EIF3H: variants seen among roughly 807,000 people sequenced by gnomAD.
EIF3H encodes the protein eIF-3-gamma.
A neutral mutation model predicts 44.2 loss-of-function variants in EIF3H; 26 were observed. The observed-to-expected ratio is 0.59, with a 90% confidence interval of 0.43 to 0.82. The LOEUF is 0.82. EIF3H is among the 40% of genes least tolerant of loss of function. The pLI is 0.00. For missense variants in EIF3H, 359 were observed against 432.8 expected (o/e 0.83, Z 1.51); for synonymous variants, 166 against 151.9 (o/e 1.09, Z -0.68).
intron 2 of EIF3H, among the ~76,000 whole-genome samples, chr8:116,719,304 G>A (rs16888689): frequency 0.064 from 9,779 of 152,204 alleles, 407 homozygotes; most frequent in African/African-American, 0.11. Context: ...AGTTAGAATG[G>A]AAACTGTGGC....
At chr8:116,718,242 G>C (rs1180588374) in intron 2 of EIF3H, among the ~76,000 whole-genome samples, 1 of 152,050 alleles carries the variant, frequency 6.6e-6, no homozygotes, top group Non-Finnish European at 1.5e-5. Flanking sequence ...GGCCTGGATG[G>C]GGTGAAAAGA....
rs377393012 is a variant in EIF3H, at chr8:116,732,276, T to C, written c.133-6104A>G. On this transcript the variant is annotated intron_variant, in intron 1 of 7. Coordinates refer to ENST00000521861, the MANE Select transcript of EIF3H (RefSeq NM_003756.3). ...CCAAAAATCTAAAAGCAAGAACGGA[T>C]TTAACTTCTATGACAAGTATTCTCT... 2.8e-4 allele frequency among the ~76,000 whole-genome samples: 43 copies of C among 152,064 alleles called. 1 individual carries two copies. Among genetic ancestry groups the C allele is most frequent in the East Asian group, 2.5e-3 (13 of 5,186 alleles).
intron 5 of EIF3H, among the ~76,000 whole-genome samples, chr8:116,654,345 T>C (rs1273186951): frequency 1.3e-5 from 2 of 152,200 alleles, no homozygotes; most frequent in Non-Finnish European, 2.9e-5. Context: ...AAATGGACAT[T>C]ATAGACCAGC....
At chr8:116,758,904 C>T (rs1815486896), upstream of EIF3H, among the ~76,000 whole-genome samples, 1 of 152,124 alleles carries the variant, frequency 6.6e-6, no homozygotes. Context: ...TAGCTAACTG[C>T]CTACATTAGA....
intron 2 of EIF3H, among the ~76,000 whole-genome samples, chr8:116,724,778 C>G (rs779716888): frequency 6.6e-6 from 1 of 152,006 alleles, no homozygotes; most frequent in African/African-American, 2.4e-5. Context: ...ATCAAACACA[C>G]AGAAAATAAC....
chr8:116,709,972 G>A (rs938336454), intron 2 of EIF3H, among the ~76,000 whole-genome samples: 1 of 152,196 alleles, frequency 6.6e-6, no homozygotes, highest in African/African-American at 2.4e-5. Context: ...CAAAGAGCTA[G>A]TTGGACTGGT....
rs186500241 is a variant in EIF3H, at chr8:116,743,736, C to T, written c.132+11930G>A. On this transcript the variant is annotated intron_variant, in intron 1 of 7. Transcript: ENST00000521861. ...TCGCACCACTGCACTCCAGCCTGGG[C>T]GACAGAGCGATACCCTGTCTCAAAA... 1.3e-3 allele frequency among the ~76,000 whole-genome samples: 176 copies of T among 135,792 alleles called. 3 individuals are homozygous for T. In the East Asian group the frequency reaches 0.03, roughly 24 times the overall value. The allele number at this position is 135,792 out of a possible 152,430, so 89.1% of individuals were successfully genotyped here. A position where few individuals can be genotyped will look rare whatever the true frequency, so the allele number is the denominator to read the frequency against.
chr8:116,657,358 T>C, intron 3 of EIF3H, 44 bp from the exon 4 acceptor site: 1 of 1,466,546 alleles, frequency 6.8e-7, no homozygotes, highest in Non-Finnish European at 9.5e-7. Context: ...ATTTTGTCAC[T>C]GCCAGGCTTG....
chr8:116,701,338 GAAT>G (rs1814372721), intron 2 of EIF3H, among the ~76,000 whole-genome samples: 2 of 152,258 alleles, frequency 1.3e-5, no homozygotes, highest in South Asian at 4.1e-4. Flanking sequence ...TAGCAGAAGT[GAAT>G]AATAATTGAT....
At chr8:116,649,044 C>G in intron 5 of EIF3H, 118 bp from the exon 6 acceptor site, 2 of 828,192 alleles carry the variant, frequency 2.4e-6, no homozygotes, top group Non-Finnish European at 3.5e-6. Flanking sequence ...TGAGAGCACA[C>G]ATATGCATAA....
chr8:116,676,727 A>T (rs1050240063), intron 2 of EIF3H, among the ~76,000 whole-genome samples: 5 of 152,252 alleles, frequency 3.3e-5, no homozygotes, highest in Non-Finnish European at 7.3e-5. Flanking sequence ...TTCATCCTTC[A>T]GTCTTGGCTT....
intron 1 of EIF3H, among the ~76,000 whole-genome samples, chr8:116,762,227 T>C (rs576996732): frequency 1.7e-4 from 26 of 152,358 alleles, no homozygotes; most frequent in African/African-American, 6.0e-4. Context: ...CTCTATCATT[T>C]AGCATTGAGT....
At chr8:116,742,759 T>C (rs1288626027) in intron 1 of EIF3H, among the ~76,000 whole-genome samples, 2 of 152,192 alleles carry the variant, frequency 1.3e-5, no homozygotes, top group Admixed American at 1.3e-4. Flanking sequence ...ATAAAGCAAC[T>C]ATGATTGCCT....
At chr8:116,684,385 T>C (rs1165308604) in intron 2 of EIF3H, among the ~76,000 whole-genome samples, 1 of 152,178 alleles carries the variant, frequency 6.6e-6, no homozygotes, top group Non-Finnish European at 1.5e-5. Context: ...GGATCCCCCC[T>C]AAAGTGAAGA....
chr8:116,673,482 C>G (rs1407334330), intron 2 of EIF3H, among the ~76,000 whole-genome samples: 4 of 152,108 alleles, frequency 2.6e-5, no homozygotes, highest in African/African-American at 4.8e-5. Context: ...AAACATCTTA[C>G]TAACTCCAGT....
intron 2 of EIF3H, among the ~76,000 whole-genome samples, chr8:116,663,210 G>C (rs1319729522): frequency 6.6e-6 from 1 of 152,116 alleles, no homozygotes; most frequent in Admixed American, 6.5e-5. Context: ...TCAGAAGGAA[G>C]AGAATCATCT....
chr8:116,733,217 T>TG (rs1814980830), intron 1 of EIF3H, among the ~76,000 whole-genome samples: 1 of 152,232 alleles, frequency 6.6e-6, no homozygotes, highest in Non-Finnish European at 1.5e-5. Flanking sequence ...GAGAAAGTAT[T>TG]GGAGGTTAGG....
intron 2 of EIF3H, among the ~76,000 whole-genome samples, chr8:116,716,225 G>C (rs117918908): frequency 0.012 from 1,876 of 152,172 alleles, 30 homozygotes; most frequent in South Asian, 0.045. Context: ...TGGTTCAGAA[G>C]TTATTCTATG....
chr8:116,727,201 C>G (rs16888708), intron 1 of EIF3H, among the ~76,000 whole-genome samples: 1 of 152,122 alleles, frequency 6.6e-6, no homozygotes, highest in Non-Finnish European at 1.5e-5. Flanking sequence ...CTCAGCCACA[C>G]GGATGGTGAA....
Sources: allele counts gnomAD v4.1 joint callset (sites outside exome capture counted in the v4.1 genomes callset), GRCh38; gene constraint gnomAD v4.1.1; transcripts MANE v1.5; gene names NCBI Gene and HGNC (gene_info 2026-07-23, HGNC 2026-07-21).